Variants in NPEPL1 observed in about 807,000 individuals in gnomAD.
NPEPL1 encodes the protein aminopeptidase like 1.
In NPEPL1, 45 loss-of-function variants were observed where a neutral mutation model predicts 52.4. The observed-to-expected ratio is 0.86, with a 90% confidence interval of 0.68 to 1.10. The LOEUF (loss-of-function observed/expected upper bound fraction) is 1.10, where lower values mean the gene tolerates loss of function less well. NPEPL1 is among the 50% of genes least tolerant of loss of function. The pLI is 0.00. For missense variants in NPEPL1, 696 were observed against 710.9 expected (o/e 0.98, Z 0.24); for synonymous variants, 360 against 314.7 (o/e 1.14, Z -1.52).
chr20:58,693,447 G>C, intron 1 of NPEPL1: 1 of 334,854 alleles, frequency 3.0e-6, no homozygotes, highest in Non-Finnish European at 5.4e-6. Context: ...CCCCCTCTCT[G>C]GTGGAAGCCG....
intron 6 of NPEPL1, chr20:58,704,096 C>T: frequency 1.0e-6 from 1 of 985,370 alleles, no homozygotes; most frequent in Non-Finnish European, 1.2e-6. Flanking sequence ...GCTGAGGCTC[C>T]AGCCATTGAT....
chr20:58,715,098 G>A, intron 11 of NPEPL1, 70 bp from the exon 12 acceptor site: 1 of 1,498,680 alleles, frequency 6.7e-7, no homozygotes, highest in Non-Finnish European at 8.9e-7. Flanking sequence ...CAGGAGGTGA[G>A]GGGTCCCCAG....
chr20:58,708,748 G>A (rs554228041), intron 7 of NPEPL1, among the ~76,000 whole-genome samples: 28 of 152,258 alleles, frequency 1.8e-4, no homozygotes, highest in East Asian at 7.7e-4. Flanking sequence ...CCCAGGCCCC[G>A]TGGCTTTGGC....
In NPEPL1 at chr20:58,703,572, G is replaced by T. The variant is rs144196118; in HGVS notation, c.822+2414G>T. The T allele has an allele frequency of 5.1e-6, 5 of 985,166 alleles. No individual in the cohort carries two copies. The South Asian group carries it at 2.3e-4, about 46-fold the overall frequency. The allele number at this position is 985,166 out of a possible 1,614,324, so 61.0% of individuals were successfully genotyped here. ...GGATCAGATGCTTGTTTTTGATGTC[G>T]GCTTGTTGTGGACCAATGTGAGAAG... On this transcript the variant is annotated intron_variant, in intron 6 of 11. Coordinates refer to ENST00000356091, the MANE Select transcript of NPEPL1 (RefSeq NM_024663.4).
chr20:58,691,086 C>T (rs1283445458), upstream of NPEPL1: 1 of 703,174 alleles, frequency 1.4e-6, no homozygotes, highest in Admixed American at 2.0e-5. Context: ...CTGTGGAAGT[C>T]CTATTACATC....
At chr20:58,702,368 C>T (rs1050518266) in intron 6 of NPEPL1, among the ~76,000 whole-genome samples, 1 of 152,212 alleles carries the variant, frequency 6.6e-6, no homozygotes, top group Non-Finnish European at 1.5e-5. Flanking sequence ...ACACTGAGCC[C>T]TAGTGTCAGC....
chr20:58,695,290 G>A (rs1017780531), intron 3 of NPEPL1, among the ~76,000 whole-genome samples: 1 of 7,158 alleles, frequency 1.4e-4, no homozygotes, highest in Non-Finnish European at 3.5e-4. Context: ...GTGTTGCTGT[G>A]TGTGTATGAG....
In NPEPL1 at chr20:58,714,541, GTCC is replaced by G. The variant is rs1227732268; in HGVS notation, c.1303-14_1303-12del. 6.5e-7 allele frequency: 1 copy of G among 1,545,864 alleles called. No individual in the cohort carries two copies. Among genetic ancestry groups the G allele is most frequent in the East Asian group, 2.4e-5 (1 of 41,858 alleles). On this transcript the variant is annotated splice_polypyrimidine_tract_variant and intron_variant, in intron 10 of 11. Transcript: ENST00000356091. ...GGCCGGAGCAACCCACAGGCACTGTGTCCTCCTGGCCTCCCTAGGACCGAGACA... is the reference window on the plus strand; with the variant it reads ...GGCCGGAGCAACCCACAGGCACTGTGTCCTGGCCTCCCTAGGACCGAGACA...
intron 5 of NPEPL1, among the ~76,000 whole-genome samples, chr20:58,699,550 C>A (rs1428936371): frequency 6.6e-6 from 1 of 152,220 alleles, no homozygotes; most frequent in African/African-American, 2.4e-5. Context: ...AGCGTCCTCG[C>A]GTGCTGCACA....
At chr20:58,706,760 A>G (rs2084740903) in intron 6 of NPEPL1, among the ~76,000 whole-genome samples, 1 of 152,176 alleles carries the variant, frequency 6.6e-6, no homozygotes, top group African/African-American at 2.4e-5. Flanking sequence ...GCCCGGCGTC[A>G]AAGCACGGGG....
In NPEPL1 at chr20:58,715,247, T is replaced by C. The variant is rs1372031718; in HGVS notation, c.1493T>C (p.Leu498Pro). The C allele has an allele frequency of 1.2e-6, 2 of 1,610,436 alleles. No individual in the cohort carries two copies. Among genetic ancestry groups the C allele is most frequent in the South Asian group, 1.1e-5 (1 of 90,498 alleles). ...GCCTCTGAGGACCCTCTGCTGAACC[T>C]GGTGTCCCCACTGGGCTGTGAGGTG... Reference protein sequence around the residue: ...GRASEDPLLNLVSPLGCEVDV... With the variant: ...GRASEDPLLNPVSPLGCEVDV... Residue 498 changes from leucine (L) to proline (P), a missense_variant, in exon 12 of 12, where the codon CTG (leucine) becomes CCG (proline). Transcript: ENST00000356091.
At chr20:58,692,065 G>A (rs1471012426), upstream of NPEPL1, 8 of 573,012 alleles carry the variant, frequency 1.4e-5, no homozygotes, top group South Asian at 1.3e-4. This position sits in a 1 kb window ranked among gnomAD's most constrained non-coding sequence, Gnocchi z 5.7. Context: ...GTCTCATCTC[G>A]TCCCTCCTTT....
At chr20:58,706,733 G>A (rs917495498) in intron 6 of NPEPL1, among the ~76,000 whole-genome samples, 19 of 152,090 alleles carry the variant, frequency 1.2e-4, no homozygotes, top group African/African-American at 4.3e-4. Context: ...GTGGCAGCCC[G>A]GGACTGAGGT....
intron 3 of NPEPL1, 136 bp from the exon 4 acceptor site, chr20:58,698,546 CCT>C: frequency 1.3e-6 from 1 of 745,868 alleles, no homozygotes; most frequent in Non-Finnish European, 2.3e-6. Flanking sequence ...CCATGGTCCC[CCT>C]CTCCCCTCTC....
chr20:58,692,011 C>T (rs1316116229), upstream of NPEPL1: 1 of 613,016 alleles, frequency 1.6e-6, no homozygotes, highest in Non-Finnish European at 2.9e-6. This position sits in a 1 kb window ranked among gnomAD's most constrained non-coding sequence, Gnocchi z 5.7. Flanking sequence ...CTTTCCTCCC[C>T]TGTAAGGCGA....
At chr20:58,708,434 CGG>C (rs1190957483) in intron 7 of NPEPL1, among the ~76,000 whole-genome samples, 3 of 151,888 alleles carry the variant, frequency 2.0e-5, no homozygotes, top group Non-Finnish European at 2.9e-5. Flanking sequence ...GTGCTCTGCA[CGG>C]GTTTGGAAAC....
upstream of NPEPL1, among the ~76,000 whole-genome samples, chr20:58,690,625 G>A (rs2084329265): frequency 6.6e-6 from 1 of 152,206 alleles, no homozygotes; most frequent in Admixed American, 6.5e-5. Context: ...CTTAAAACCA[G>A]AATCACCAAT....
In NPEPL1 at chr20:58,713,210, G is replaced by A; in HGVS notation, c.1002-210G>A. On this transcript the variant is annotated intron_variant, in intron 8 of 11. Transcript: ENST00000356091. This position sits in a 1 kb window ranked among gnomAD's most constrained non-coding sequence, Gnocchi z 4.6. ...GTCTCTGGCTCTCCAGAGCAGCGGG[G>A]CAGGGATGTCACCTGGAAGCCCTTT... The A allele has an allele frequency of 1.8e-6, 1 of 561,856 alleles. No individual in the cohort carries two copies. The allele number at this position is 561,856 out of a possible 1,614,324, so 34.8% of individuals were successfully genotyped here. A position where few individuals can be genotyped will look rare whatever the true frequency, so the allele number is the denominator to read the frequency against.
intron 1 of NPEPL1, 44 bp downstream of exon 1, chr20:58,693,094 CCAGGCCCGG>C (rs1466175873): frequency 1.5e-5 from 15 of 994,700 alleles, no homozygotes; most frequent in African/African-American, 1.8e-5. Context: ...CCGCGGAAGC[CCAGGCCCGG>C]GCGGCCCGCG....
Sources: gnomAD v4.1 joint callset for allele counts (sites outside exome capture counted in the v4.1 genomes callset) on GRCh38, gnomAD v4.1.1 for gene constraint, Gnocchi (gnomAD v3.1) non-coding constraint, MANE v1.5 for transcripts, NCBI Gene and HGNC (gene_info 2026-07-23, HGNC 2026-07-21) for gene names.